KCNAB1: variants seen among roughly 807,000 people sequenced by gnomAD.
KCNAB1 encodes voltage-gated potassium channel subunit beta-1.
A neutral mutation model predicts 64.6 loss-of-function variants in KCNAB1; 35 were observed. The observed-to-expected ratio is 0.54, with a 90% CI of 0.41 to 0.72. The LOEUF (loss-of-function observed/expected upper bound fraction) is 0.72, where lower values mean the gene tolerates loss of function less well. Ranked by LOEUF, KCNAB1 falls within the 30% of genes least tolerant of loss-of-function variation. The pLI, the probability that KCNAB1 is intolerant of heterozygous loss-of-function variation, is 0.00. For synonymous variants in KCNAB1, 177 were observed against 183.8 expected (o/e 0.96, Z 0.30); for missense variants, 401 against 512.9 (o/e 0.78, Z 2.11).
intron 1 of KCNAB1, among the ~76,000 whole-genome samples, chr3:156,123,814 T>TA (rs1235507536): frequency 1.3e-5 from 2 of 152,112 alleles, no homozygotes; most frequent in Non-Finnish European, 2.9e-5. Flanking sequence ...GCATGTTTTT[T>TA]AAAAAAAGTA....
chr3:156,521,362 A>G (rs1174842399), intron 11 of KCNAB1, among the ~76,000 whole-genome samples: 1 of 152,174 alleles, frequency 6.6e-6, no homozygotes, highest in Non-Finnish European at 1.5e-5. Context: ...GTCATGATCA[A>G]TCTGAAAAAC....
At chr3:156,192,007 A>G (rs1426338972) in intron 1 of KCNAB1, among the ~76,000 whole-genome samples, 4 of 152,156 alleles carry the variant, frequency 2.6e-5, no homozygotes, top group Non-Finnish European at 5.9e-5. Flanking sequence ...CCTCTTCTCT[A>G]TTTCCAGGCA....
chr3:156,376,572 A>G (rs1367299750), intron 1 of KCNAB1, among the ~76,000 whole-genome samples: 1 of 152,252 alleles, frequency 6.6e-6, no homozygotes, highest in Non-Finnish European at 1.5e-5. Context: ...TTTAATAAGC[A>G]CAGTTCTAAT....
intron 1 of KCNAB1, chr3:156,143,344 T>C (rs767531066): frequency 1.9e-6 from 3 of 1,611,432 alleles, no homozygotes; most frequent in African/African-American, 2.7e-5. Context: ...CGAACAGAAA[T>C]ATGTGGAAAA....
At chr3:156,450,064 C>T (rs1275604977) in intron 2 of KCNAB1, among the ~76,000 whole-genome samples, 2 of 152,174 alleles carry the variant, frequency 1.3e-5, no homozygotes, top group East Asian at 3.9e-4. Flanking sequence ...AGAAGAATAG[C>T]CAATTAGTGG....
intron 8 of KCNAB1, among the ~76,000 whole-genome samples, chr3:156,481,470 A>C (rs1714795522): frequency 6.6e-6 from 1 of 151,062 alleles, no homozygotes; most frequent in African/African-American, 2.4e-5. Context: ...TTTTGTTTCC[A>C]TTTTAACTGC....
intron 1 of KCNAB1, among the ~76,000 whole-genome samples, chr3:156,283,032 C>T (rs1391438739): frequency 1.3e-5 from 2 of 150,488 alleles, no homozygotes; most frequent in Non-Finnish European, 3.0e-5. Context: ...TTATTTTGCT[C>T]GTTAGTTGAT....
chr3:156,329,885 A>C (rs898091202), intron 1 of KCNAB1, among the ~76,000 whole-genome samples: 1 of 152,126 alleles, frequency 6.6e-6, no homozygotes, highest in Non-Finnish European at 1.5e-5. Context: ...TTTAGAAGTA[A>C]ATGCTTTCCT....
At chr3:156,282,974 T>G (rs1197446382) in intron 1 of KCNAB1, among the ~76,000 whole-genome samples, 2 of 149,998 alleles carry the variant, frequency 1.3e-5, no homozygotes, top group African/African-American at 4.9e-5. Context: ...CATTTAAAGT[T>G]AATATTGTTA....
At chr3:156,178,418 A>C (rs887254468) in intron 1 of KCNAB1, among the ~76,000 whole-genome samples, 1 of 152,182 alleles carries the variant, frequency 6.6e-6, no homozygotes, top group Non-Finnish European at 1.5e-5. Flanking sequence ...TTCTACCCCT[A>C]GTGGGGAAAA....
At chr3:156,223,709 G>A (rs1391493609) in intron 1 of KCNAB1, among the ~76,000 whole-genome samples, 1 of 152,090 alleles carries the variant, frequency 6.6e-6, no homozygotes, top group South Asian at 2.1e-4. Context: ...CACAGACCCT[G>A]AGCTAGACAC....
At chr3:156,141,039 C>T (rs1183215220) in intron 1 of KCNAB1, among the ~76,000 whole-genome samples, 1 of 151,590 alleles carries the variant, frequency 6.6e-6, no homozygotes. Flanking sequence ...TGGAAAAACC[C>T]ATATGTGAGG....
At chr3:156,254,179 A>G (rs1717975486) in intron 1 of KCNAB1, among the ~76,000 whole-genome samples, 1 of 152,232 alleles carries the variant, frequency 6.6e-6, no homozygotes, top group African/African-American at 2.4e-5. Context: ...GTTAAAAATA[A>G]AAAGAGAGCA....
At chr3:156,230,125 A>T (rs992582594) in intron 1 of KCNAB1, among the ~76,000 whole-genome samples, 1 of 152,188 alleles carries the variant, frequency 6.6e-6, no homozygotes, top group Non-Finnish European at 1.5e-5. Context: ...AAGTTTCTTA[A>T]TGGCTGCACC....
At chr3:156,234,180 G>T (rs1344627188) in intron 1 of KCNAB1, among the ~76,000 whole-genome samples, 2 of 152,068 alleles carry the variant, frequency 1.3e-5, no homozygotes, top group Non-Finnish European at 2.9e-5. Flanking sequence ...GCATTGAACA[G>T]TGAGAGGAAC....
At chr3:156,469,090 G>A (rs766906956) in intron 7 of KCNAB1, among the ~76,000 whole-genome samples, 7 of 152,120 alleles carry the variant, frequency 4.6e-5, no homozygotes, top group East Asian at 3.9e-4. Context: ...AGAGAGATTC[G>A]GAAAATGGTT....
At chr3:156,355,700 A>G (rs9873235) in intron 1 of KCNAB1, among the ~76,000 whole-genome samples, 14,073 of 152,224 alleles carry the variant, frequency 0.092, 2,134 homozygotes, top group African/African-American at 0.32. Flanking sequence ...ACAGGTTTCT[A>G]ATACTCAACT....
chr3:156,529,081 G>A (rs1213758621), intron 12 of KCNAB1, among the ~76,000 whole-genome samples: 2 of 152,068 alleles, frequency 1.3e-5, no homozygotes, highest in African/African-American at 2.4e-5. Context: ...CAGCTGAACC[G>A]GAGAAGACAG....
At chr3:156,316,905 T>A (rs1722311751) in intron 1 of KCNAB1, among the ~76,000 whole-genome samples, 1 of 151,754 alleles carries the variant, frequency 6.6e-6, no homozygotes, top group African/African-American at 2.4e-5. Flanking sequence ...AGATGGAGAG[T>A]GGATCTGCAG....
Sources: allele counts gnomAD v4.1 joint callset (sites outside exome capture counted in the v4.1 genomes callset), GRCh38; gene constraint gnomAD v4.1.1; transcripts MANE v1.5; gene names NCBI Gene and HGNC (gene_info 2026-07-23, HGNC 2026-07-21).